MYOCD: variants seen among roughly 807,000 people sequenced by gnomAD.
The protein encoded by MYOCD is myocardin.
A neutral mutation model predicts 96.1 loss-of-function variants in MYOCD; 32 were observed. That is an observed-to-expected ratio of 0.33 (90% confidence interval 0.25 to 0.45). MYOCD has a LOEUF of 0.45. MYOCD is among the 20% of genes least tolerant of loss of function. The pLI is 1.00. For synonymous variants in MYOCD, 469 were observed against 469.0 expected (o/e 1.00, Z 0.00); for missense variants, 1,133 against 1,200.6 (o/e 0.94, Z 0.83).
At chr17:12,737,179 C>T (rs996699213) in intron 6 of MYOCD, among the ~76,000 whole-genome samples, 2 of 152,032 alleles carry the variant, frequency 1.3e-5, no homozygotes, top group Non-Finnish European at 1.5e-5. Flanking sequence ...CACTTGAAAC[C>T]GGAAGGCAGA....
At position 12,760,719 on chromosome 17, in the gene MYOCD, T is replaced by G; in HGVS notation, c.2389+12T>G. On this transcript the variant is annotated intron_variant, in intron 13 of 13. Coordinates refer to ENST00000425538, the MANE Select transcript of MYOCD (RefSeq NM_001146312.3). ...TATTGAAAGCGGAGGTAAGACTGCC[T>G]GTGTCCTGTCCATTAGGACATTCTG... 1 of 1,611,148 alleles carries G rather than the reference T, an allele frequency of 6.2e-7. No individual in the cohort carries two copies. The highest frequency in any genetic ancestry group is 8.5e-7 in the Non-Finnish European group (1 of 1,177,554).
intron 5 of MYOCD, among the ~76,000 whole-genome samples, chr17:12,724,368 C>A (rs1567587625): frequency 1.3e-5 from 2 of 152,112 alleles, no homozygotes; most frequent in Non-Finnish European, 2.9e-5. Context: ...GTATCGTTGG[C>A]AATACATGAC....
chr17:12,742,972 G>C (rs1185733779), intron 7 of MYOCD, among the ~76,000 whole-genome samples: 1 of 152,040 alleles, frequency 6.6e-6, no homozygotes, highest in Non-Finnish European at 1.5e-5. Context: ...ATAATTACCT[G>C]TTCATTGACT....
chr17:12,712,765 G>T (rs1227247747), intron 2 of MYOCD, among the ~76,000 whole-genome samples: 1 of 152,026 alleles, frequency 6.6e-6, no homozygotes, highest in South Asian at 2.1e-4. Flanking sequence ...ATTTACAACA[G>T]TATTTTAATT....
In MYOCD at chr17:12,763,159, C is replaced by T. The variant is rs777365524; in HGVS notation, c.2476C>T (p.Leu826Phe). Residue 826 changes from leucine to phenylalanine, a missense_variant, in exon 14 of 14, where the codon CTC (leucine) becomes TTC (phenylalanine). Transcript: ENST00000425538. ...ATCTTCCCGAAGTCCAACTGCTGTCCTCACCAAGCCCTCGGCTTCCTTTGA... is the reference window on the plus strand; with the variant it reads ...ATCTTCCCGAAGTCCAACTGCTGTCTTCACCAAGCCCTCGGCTTCCTTTGA... ...PRSSRSPTAV[L>F]TKPSASFEQA... 7.4e-6 allele frequency: 12 copies of T among 1,614,174 alleles called. No individual in the cohort carries two copies. In the Admixed American group the frequency reaches 1.8e-4, roughly 25 times the overall value.
intron 11 of MYOCD, 126 bp from the exon 12 acceptor site, chr17:12,757,958 GC>G (rs1486709196): frequency 5.6e-6 from 4 of 715,954 alleles, no homozygotes; most frequent in Non-Finnish European, 9.8e-6. Context: ...TATTTTCTAA[GC>G]CCTGGACTTT....
chr17:12,760,602 A>T, intron 12 of MYOCD, 48 bp from the exon 13 acceptor site: 1 of 1,486,716 alleles, frequency 6.7e-7, no homozygotes, highest in Non-Finnish European at 9.4e-7. Flanking sequence ...TCCTACGGAG[A>T]TAACCACCTT....
chr17:12,753,291 A>G lies in MYOCD; in HGVS notation c.2003A>G (p.Gln668Arg), dbSNP rs1483551658. The stretch of plus-strand genomic sequence containing the variant: ...TTTCTGCCCTCATCCTCCGGGGCCC[A>G]GGGAGAAGGGCACAGGGTCTCCTCG... Reference protein sequence around the residue: ...PHFLPSSSGAQGEGHRVSSPI... With the variant: ...PHFLPSSSGARGEGHRVSSPI... Residue 668 changes from glutamine (Q) to arginine (R), a missense_variant, in exon 10 of 14, where the codon CAG becomes CGG. Gln to Arg is a conservative substitution (Grantham distance 43). Coordinates refer to ENST00000425538, the MANE Select transcript of MYOCD (RefSeq NM_001146312.3). 3.1e-6 allele frequency: 5 copies of G among 1,612,872 alleles called. No homozygotes were observed. The highest frequency in any genetic ancestry group is 2.2e-5 in the East Asian group (1 of 44,892).
At chr17:12,712,628 A>G (rs541434205) in intron 2 of MYOCD, among the ~76,000 whole-genome samples, 1 of 152,296 alleles carries the variant, frequency 6.6e-6, no homozygotes, top group South Asian at 2.1e-4. Context: ...GACCCAAATT[A>G]GCGATAGCTT....
Position 12,763,532 on chromosome 17 carries a change from C to G in MYOCD, c.2849C>G (p.Pro950Arg). The G allele has an allele frequency of 1.2e-6, 2 of 1,614,148 alleles. No homozygotes were observed. The highest frequency in any genetic ancestry group is 1.7e-6 in the Non-Finnish European group (2 of 1,180,028). The change falls in exon 14 of 14, where the codon CCA becomes CGA. Residue 950 changes from proline (P) to arginine (R), a missense_variant. Physicochemically the swap from Pro to Arg is moderately radical, Grantham distance 103 (BLOSUM62 -2). Transcript: ENST00000425538. ...GACCTCACTCCGCCAAATTCCACACCAGGCTTTAGCGCCCTCACCACCAGC... is the reference window on the plus strand; with the variant it reads ...GACCTCACTCCGCCAAATTCCACACGAGGCTTTAGCGCCCTCACCACCAGC... ...WLDLTPPNSTPGFSALTTSSP... is the reference protein window; with the variant it reads ...WLDLTPPNSTRGFSALTTSSP...
chr17:12,757,119 A>AT (rs762413799), intron 11 of MYOCD, among the ~76,000 whole-genome samples: 1 of 152,198 alleles, frequency 6.6e-6, no homozygotes, highest in Non-Finnish European at 1.5e-5. Flanking sequence ...CATGGACAGG[A>AT]TTGGAGAGAT....
At chr17:12,745,634 G>A (rs1462043127) in intron 8 of MYOCD, among the ~76,000 whole-genome samples, 1 of 152,180 alleles carries the variant, frequency 6.6e-6, no homozygotes, top group Non-Finnish European at 1.5e-5. Flanking sequence ...TTCACCAGGT[G>A]TGTTTGGCCT....
intron 1 of MYOCD, among the ~76,000 whole-genome samples, chr17:12,673,989 A>T (rs982077586): frequency 6.6e-6 from 1 of 151,952 alleles, no homozygotes; most frequent in Non-Finnish European, 1.5e-5. Flanking sequence ...TCTGCTATTT[A>T]GGGACCACGT....
intron 1 of MYOCD, among the ~76,000 whole-genome samples, chr17:12,704,536 C>G (rs2150673013): frequency 6.6e-6 from 1 of 152,102 alleles, no homozygotes; most frequent in East Asian, 1.9e-4. Flanking sequence ...CTTTGAATTC[C>G]CAGGAGAATT....
At chr17:12,710,075 G>A (rs764945890) in intron 2 of MYOCD, among the ~76,000 whole-genome samples, 2 of 152,112 alleles carry the variant, frequency 1.3e-5, no homozygotes, top group Non-Finnish European at 2.9e-5. Context: ...GTTTCAAAGC[G>A]CTTCCAGTCT....
chr17:12,750,071 T>C (rs909730529), intron 9 of MYOCD, among the ~76,000 whole-genome samples: 1 of 151,956 alleles, frequency 6.6e-6, no homozygotes, highest in African/African-American at 2.4e-5. Flanking sequence ...TCTCCTGACC[T>C]CGTGATCCGC....
intron 1 of MYOCD, among the ~76,000 whole-genome samples, chr17:12,693,648 T>A: frequency 1.4e-5 from 2 of 145,724 alleles, no homozygotes; most frequent in African/African-American, 2.5e-5. Flanking sequence ...TAAAATAAAA[T>A]AAAATAAAAT....
At chr17:12,702,117 A>G (rs1341599859) in intron 1 of MYOCD, among the ~76,000 whole-genome samples, 1 of 152,008 alleles carries the variant, frequency 6.6e-6, no homozygotes, top group Admixed American at 6.6e-5. Flanking sequence ...AAATGTAGTT[A>G]TATCTGATGT....
chr17:12,739,131 C>A (rs533672994), intron 6 of MYOCD, 72 bp from the exon 7 acceptor site: 2 of 1,511,496 alleles, frequency 1.3e-6, no homozygotes, highest in East Asian at 4.6e-5. Flanking sequence ...GGTATATATA[C>A]GGACTCTAAC....
Sources: allele counts gnomAD v4.1 joint callset (sites outside exome capture counted in the v4.1 genomes callset), GRCh38; gene constraint gnomAD v4.1.1; transcripts MANE v1.5; gene names NCBI Gene and HGNC (gene_info 2026-07-23, HGNC 2026-07-21).